FOXP1: variants seen among roughly 807,000 people sequenced by gnomAD.
FOXP1 encodes forkhead box P1.
FOXP1 carries 15 observed loss-of-function variants against 98.2 expected under a neutral mutation model. The observed-to-expected ratio is 0.15, with a 90% CI of 0.10 to 0.24. The LOEUF is 0.24. FOXP1 is among the 10% of genes least tolerant of loss of function. The pLI, the probability that FOXP1 is intolerant of heterozygous loss-of-function variation, is 1.00. For synonymous variants in FOXP1, 371 were observed against 314.5 expected (o/e 1.18, Z -1.90); for missense variants, 633 against 848.5 (o/e 0.75, Z 3.15).
At chr3:71,203,938 G>GAGGAAGGAAGGA (rs3033228) in intron 5 of FOXP1, among the ~76,000 whole-genome samples, 6,944 of 131,312 alleles carry the variant, frequency 0.053, 227 homozygotes, top group African/African-American at 0.069. Flanking sequence ...GAAAAGGAAG[G>GAGGAAGGAAGGA]AGGAAGGAAG....
At chr3:71,050,407 A>G (rs1170018820) in intron 9 of FOXP1, among the ~76,000 whole-genome samples, 2 of 152,234 alleles carry the variant, frequency 1.3e-5, no homozygotes, top group African/African-American at 2.4e-5. Flanking sequence ...CTGGTAACTG[A>G]TAAGAATGAC....
intron 5 of FOXP1, among the ~76,000 whole-genome samples, chr3:71,240,848 ATTGT>A (rs2067216968): frequency 6.6e-6 from 1 of 151,712 alleles, no homozygotes; most frequent in South Asian, 2.1e-4. Flanking sequence ...CCTGGCCAGA[ATTGT>A]TTAAAATTAT....
intron 3 of FOXP1, among the ~76,000 whole-genome samples, chr3:71,450,167 T>C (rs1016868680): frequency 3.3e-5 from 5 of 152,224 alleles, no homozygotes; most frequent in Non-Finnish European, 7.3e-5. Context: ...TTAGAGTCAA[T>C]GTGTTTATGT....
At chr3:71,395,375 C>A (rs983531256) in intron 3 of FOXP1, among the ~76,000 whole-genome samples, 1 of 147,946 alleles carries the variant, frequency 6.8e-6, no homozygotes, top group Non-Finnish European at 1.5e-5. Flanking sequence ...TTTTTCTGTT[C>A]CTCAGACCCA....
intron 13 of FOXP1, among the ~76,000 whole-genome samples, chr3:70,996,018 C>A (rs1028191396): frequency 2.6e-5 from 4 of 152,114 alleles, no homozygotes; most frequent in Admixed American, 6.5e-5. Flanking sequence ...TGGAGTTTTG[C>A]TCTTATTGCC....
chr3:71,250,951 A>G (rs1029652846), intron 5 of FOXP1, among the ~76,000 whole-genome samples: 38 of 152,158 alleles, frequency 2.5e-4, no homozygotes, highest in African/African-American at 8.4e-4. Context: ...AAGAAAGAAA[A>G]AAAAATGTTT....
intron 5 of FOXP1, among the ~76,000 whole-genome samples, chr3:71,288,833 A>G (rs1456921610): frequency 6.6e-6 from 1 of 152,204 alleles, no homozygotes; most frequent in African/African-American, 2.4e-5. Flanking sequence ...CAAACCATGT[A>G]AGTTCAGCCA....
intron 2 of FOXP1, among the ~76,000 whole-genome samples, chr3:71,497,710 A>C (rs1412727207): frequency 6.6e-6 from 1 of 152,176 alleles, no homozygotes; most frequent in Non-Finnish European, 1.5e-5. Context: ...CTTTAGGGGA[A>C]GGAATTATTC....
At chr3:71,274,858 C>T (rs2070736721) in intron 5 of FOXP1, among the ~76,000 whole-genome samples, 1 of 152,196 alleles carries the variant, frequency 6.6e-6, no homozygotes, top group African/African-American at 2.4e-5. Flanking sequence ...TATCAAAATT[C>T]AGTATCTGAT....
At chr3:71,180,178 C>G (rs568084103) in intron 6 of FOXP1, among the ~76,000 whole-genome samples, 1 of 152,050 alleles carries the variant, frequency 6.6e-6, no homozygotes, top group Non-Finnish European at 1.5e-5. Flanking sequence ...AAAAAACCCA[C>G]CTTTTTGTTT....
chr3:71,204,580 AC>A (rs1243018918), intron 5 of FOXP1, among the ~76,000 whole-genome samples: 1 of 152,158 alleles, frequency 6.6e-6, no homozygotes, highest in Non-Finnish European at 1.5e-5. Context: ...TACACTGCTC[AC>A]CCGTCACCTG....
At chr3:71,184,680 T>C (rs557442756) in intron 6 of FOXP1, among the ~76,000 whole-genome samples, 6 of 151,404 alleles carry the variant, frequency 4.0e-5, no homozygotes, top group Non-Finnish European at 7.4e-5. Context: ...CAACTAATCA[T>C]AGAAAAGCCT....
intron 3 of FOXP1, among the ~76,000 whole-genome samples, chr3:71,395,325 C>G (rs1219468472): frequency 4.0e-5 from 6 of 149,624 alleles, no homozygotes; most frequent in Non-Finnish European, 8.9e-5. Flanking sequence ...CCAACTAGTT[C>G]TGCTGCCTTG....
chr3:71,558,799 TCAC>T (rs2046331074), intron 2 of FOXP1, among the ~76,000 whole-genome samples: 1 of 125,386 alleles, frequency 8.0e-6, no homozygotes, highest in African/African-American at 3.0e-5. Context: ...CAGCCGATTC[TCAC>T]TTTTTTTTTT....
At chr3:71,133,814 C>T (rs1250838411) in intron 6 of FOXP1, among the ~76,000 whole-genome samples, 1 of 81,656 alleles carries the variant, frequency 1.2e-5, no homozygotes, top group Non-Finnish European at 3.2e-5. Context: ...CGAAAGTCTA[C>T]CCCGAATATG....
chr3:71,284,591 A>G (rs1576763305), intron 5 of FOXP1, among the ~76,000 whole-genome samples: 1 of 152,296 alleles, frequency 6.6e-6, no homozygotes. Flanking sequence ...TTGTGCACAA[A>G]TATGCCAACT....
At chr3:71,062,957 G>C (rs892135834) in intron 7 of FOXP1, among the ~76,000 whole-genome samples, 4 of 152,034 alleles carry the variant, frequency 2.6e-5, no homozygotes, top group African/African-American at 7.3e-5. Context: ...CTTAATATTT[G>C]GTTGCTTATC....
chr3:71,281,039 C>CCAA (rs1553816158), intron 5 of FOXP1, among the ~76,000 whole-genome samples: 6 of 83,554 alleles, frequency 7.2e-5, no homozygotes, highest in Non-Finnish European at 9.5e-5. Flanking sequence ...CCCTTCTCTA[C>CCAA]AAAAAAAAAA....
At chr3:71,060,073 A>G (rs1054034940) in intron 7 of FOXP1, among the ~76,000 whole-genome samples, 1 of 152,148 alleles carries the variant, frequency 6.6e-6, no homozygotes, top group Non-Finnish European at 1.5e-5. Flanking sequence ...CTGCTTTCTC[A>G]TGATTTAATC....
Sources: allele counts gnomAD v4.1 joint callset (sites outside exome capture counted in the v4.1 genomes callset), GRCh38; gene constraint gnomAD v4.1.1; transcripts MANE v1.5; gene names NCBI Gene and HGNC (gene_info 2026-07-23, HGNC 2026-07-21).